The following PTPRT variants were observed in gnomAD, a reference collection of about 807,000 sequenced individuals.
PTPRT encodes protein tyrosine phosphatase receptor type T.
Under a neutral mutation model 176.8 loss-of-function variants are expected in PTPRT, and 56 were observed. The observed-to-expected ratio is 0.32, with a 90% CI of 0.26 to 0.40. The LOEUF is 0.40. Ranked by LOEUF, PTPRT falls within the 10% of genes least tolerant of loss-of-function variation. The pLI, the probability that PTPRT is intolerant of heterozygous loss-of-function variation, is 1.00. For missense variants in PTPRT, 1,540 were observed against 1,908.2 expected (o/e 0.81, Z 3.60); for synonymous variants, 783 against 739.0 (o/e 1.06, Z -0.96).
chr20:43,030,505 C>CAA (rs35791318), intron 1 of PTPRT, among the ~76,000 whole-genome samples: 1 of 119,720 alleles, frequency 8.4e-6, no homozygotes. Context: ...CATTTCAGAA[C>CAA]AAAAAAAAAA....
At chr20:42,852,143 C>T (rs2078483728) in intron 2 of PTPRT, among the ~76,000 whole-genome samples, 1 of 152,134 alleles carries the variant, frequency 6.6e-6, no homozygotes, top group South Asian at 2.1e-4. Context: ...GTCCCTTTTG[C>T]CATTCTTATG....
intron 1 of PTPRT, among the ~76,000 whole-genome samples, chr20:42,991,444 G>A (rs1019203364): frequency 4.6e-5 from 7 of 151,688 alleles, no homozygotes; most frequent in African/African-American, 1.7e-4. Context: ...AAAAAGAAAC[G>A]TATTTATATA....
At chr20:42,133,698 T>C (rs1357992603) in intron 18 of PTPRT, among the ~76,000 whole-genome samples, 1 of 152,194 alleles carries the variant, frequency 6.6e-6, no homozygotes. Flanking sequence ...CTTTAGCTAA[T>C]AATAATAAAT....
At chr20:42,976,695 C>T (rs183472303) in intron 1 of PTPRT, among the ~76,000 whole-genome samples, 1 of 152,282 alleles carries the variant, frequency 6.6e-6, no homozygotes, top group African/African-American at 2.4e-5. Context: ...GCGTGAGCCA[C>T]CACACTCAGG....
chr20:42,244,987 G>A (rs142964576), intron 14 of PTPRT, among the ~76,000 whole-genome samples: 1 of 152,270 alleles, frequency 6.6e-6, no homozygotes, highest in East Asian at 1.9e-4. Flanking sequence ...AGGAGGCAAG[G>A]GACGAAGATG....
intron 13 of PTPRT, among the ~76,000 whole-genome samples, chr20:42,255,454 T>G (rs535621834): frequency 2.6e-5 from 4 of 152,186 alleles, no homozygotes. Context: ...TTTGTGTCTA[T>G]GAACTGTAGG....
intron 15 of PTPRT, among the ~76,000 whole-genome samples, chr20:42,231,072 C>T (rs1258998895): frequency 6.6e-6 from 1 of 152,196 alleles, no homozygotes; most frequent in Non-Finnish European, 1.5e-5. Flanking sequence ...CATCATGTGG[C>T]CAATCCCCAG....
intron 1 of PTPRT, among the ~76,000 whole-genome samples, chr20:43,036,722 T>TA (rs1986396461): frequency 6.6e-6 from 1 of 152,106 alleles, no homozygotes. Context: ...AAGGAGGAAG[T>TA]AAAATATAAT....
At chr20:42,885,649 C>A (rs2079089688) in intron 2 of PTPRT, among the ~76,000 whole-genome samples, 158 bp downstream of exon 2, 1 of 152,172 alleles carries the variant, frequency 6.6e-6, no homozygotes, top group Non-Finnish European at 1.5e-5. Flanking sequence ...ATTCATTCAG[C>A]CTTGGTTTGA....
intron 1 of PTPRT, among the ~76,000 whole-genome samples, chr20:42,976,374 T>C (rs1210905540): frequency 1.3e-5 from 2 of 152,076 alleles, no homozygotes; most frequent in African/African-American, 4.8e-5. Flanking sequence ...TTGAAATTAA[T>C]TGTATTTAAA....
In PTPRT at chr20:42,711,436, G is replaced by A. The variant is rs189800006; in HGVS notation, c.860-33277C>T. On this transcript the variant is annotated intron_variant, in intron 6 of 30. Transcript: ENST00000373187. ...TGGTAATCCATTCACATGAGATCTG[G>A]TTGTTTAAAAGAGCCCAGCACCTCC... Among the ~76,000 whole-genome samples, 60 of 152,154 alleles carry A rather than the reference G, an allele frequency of 3.9e-4. 1 individual carries two copies. Among genetic ancestry groups the A allele is most frequent in the African/African-American group, 1.4e-3 (58 of 41,492 alleles).
chr20:42,196,121 G>A (rs1255953927), intron 16 of PTPRT, among the ~76,000 whole-genome samples: 4 of 152,304 alleles, frequency 2.6e-5, no homozygotes, highest in Non-Finnish European at 1.5e-5. Context: ...TAATCATTTT[G>A]CTTTTAAGAG....
chr20:42,453,465 T>C (rs1417572366), intron 8 of PTPRT, among the ~76,000 whole-genome samples: 1 of 152,092 alleles, frequency 6.6e-6, no homozygotes. Flanking sequence ...AAAGTATACA[T>C]AATAATGTAT....
chr20:42,093,724 C>G (rs1984885410), intron 27 of PTPRT, among the ~76,000 whole-genome samples: 1 of 152,214 alleles, frequency 6.6e-6, no homozygotes, highest in Non-Finnish European at 1.5e-5. Context: ...TCCATGTTGC[C>G]AGGCTGGGCT....
chr20:42,593,053 C>T (rs1285695700), intron 7 of PTPRT, among the ~76,000 whole-genome samples: 2 of 152,152 alleles, frequency 1.3e-5, no homozygotes, highest in African/African-American at 2.4e-5. Flanking sequence ...GGGAATCTTC[C>T]GACTAAGTAA....
chr20:42,730,633 T>C (rs955650422), intron 6 of PTPRT, among the ~76,000 whole-genome samples: 5 of 152,124 alleles, frequency 3.3e-5, no homozygotes, highest in African/African-American at 1.2e-4. Context: ...CACTTTGTGG[T>C]AAACACTGTG....
chr20:42,979,795 G>A (rs1294274097), intron 1 of PTPRT, among the ~76,000 whole-genome samples: 1 of 152,088 alleles, frequency 6.6e-6, no homozygotes, highest in African/African-American at 2.4e-5. Context: ...TTGGTCTAAA[G>A]GTGAATAACT....
At chr20:42,810,504 T>A (rs1378596246) in intron 2 of PTPRT, among the ~76,000 whole-genome samples, 1 of 152,168 alleles carries the variant, frequency 6.6e-6, no homozygotes, top group African/African-American at 2.4e-5. Flanking sequence ...TGGAGACTCC[T>A]AGTTCATGCA....
At chr20:42,722,132 G>A (rs2076313027) in intron 6 of PTPRT, among the ~76,000 whole-genome samples, 1 of 151,988 alleles carries the variant, frequency 6.6e-6, no homozygotes, top group Admixed American at 6.6e-5. Context: ...CTTCCTCTCT[G>A]CACATTCTTC....
Sources: allele counts gnomAD v4.1 joint callset (sites outside exome capture counted in the v4.1 genomes callset), GRCh38; gene constraint gnomAD v4.1.1; transcripts MANE v1.5; gene names NCBI Gene and HGNC (gene_info 2026-07-23, HGNC 2026-07-21).